Variants in CFAP54 observed in about 807,000 individuals in gnomAD.
CFAP54 encodes cilia and flagella associated protein 54.
A neutral mutation model predicts 370.4 loss-of-function variants in CFAP54; 290 were observed. The observed-to-expected ratio is 0.78, with a 90% CI of 0.71 to 0.86. The LOEUF is 0.86. Ranked by LOEUF, CFAP54 falls within the 40% of genes least tolerant of loss-of-function variation. The pLI is 0.00. For synonymous variants in CFAP54, 1,206 were observed against 1,236.5 expected, an observed-to-expected ratio of 0.98 and a Z score of 0.52; for missense variants, 3,399 against 3,528.7, an observed-to-expected ratio of 0.96 and a Z score of 0.93.
chr12:96,769,257 A>T (rs1276399822), intron 60 of CFAP54, among the ~76,000 whole-genome samples: 1 of 152,244 alleles, frequency 6.6e-6, no homozygotes, highest in Non-Finnish European at 1.5e-5. Context: ...CTGTATTTAA[A>T]TTTTGAATTC....
chr12:96,495,011 C>T (rs1174795977), intron 1 of CFAP54, among the ~76,000 whole-genome samples: 1 of 152,204 alleles, frequency 6.6e-6, no homozygotes, highest in Non-Finnish European at 1.5e-5. Flanking sequence ...AGGCGTGAGC[C>T]ACTGCGCCTA....
chr12:96,657,844 G>T, intron 36 of CFAP54, 38 bp from the exon 37 acceptor site: 2 of 1,340,574 alleles, frequency 1.5e-6, no homozygotes, highest in East Asian at 2.5e-5. Flanking sequence ...AGTAAAATCT[G>T]AAATTACACA....
chr12:96,769,583 A>C (rs1958437060), intron 60 of CFAP54, among the ~76,000 whole-genome samples: 1 of 151,372 alleles, frequency 6.6e-6, no homozygotes, highest in African/African-American at 2.4e-5. Flanking sequence ...CTGCGCAGCC[A>C]GCTCTCCCTT....
intron 64 of CFAP54, among the ~76,000 whole-genome samples, chr12:96,813,518 T>C (rs1302336176): frequency 6.6e-6 from 1 of 152,222 alleles, no homozygotes; most frequent in Non-Finnish European, 1.5e-5. Context: ...CCTCATCTCC[T>C]AGTTAAGTTC....
Position 96,576,422 on chromosome 12 carries a change from A to C in CFAP54, c.2620-163A>C, listed in dbSNP as rs367875687. ...CTAGTAGGCATCTTTTACTTTTGCAAAATCATTAAATAGTTGAAATATATA... is the reference window on the plus strand; with the variant it reads ...CTAGTAGGCATCTTTTACTTTTGCACAATCATTAAATAGTTGAAATATATA... On this transcript the variant is annotated intron_variant, in intron 19 of 67. Coordinates refer to ENST00000524981, the MANE Select transcript of CFAP54 (RefSeq NM_001306084.2). Among the ~76,000 whole-genome samples the C allele has an allele frequency of 4.6e-5, 7 of 151,556 alleles. No individual in the cohort carries two copies. The East Asian group carries it at 7.7e-4, about 17-fold the overall frequency.
intron 25 of CFAP54, among the ~76,000 whole-genome samples, chr12:96,598,020 A>G (rs1171340910): frequency 1.3e-5 from 2 of 151,886 alleles, no homozygotes; most frequent in Admixed American, 1.3e-4. Flanking sequence ...TGTGCCCCCA[A>G]AGAACCAACA....
chr12:96,639,315 A>T (rs1233079414), intron 32 of CFAP54, among the ~76,000 whole-genome samples: 1 of 152,260 alleles, frequency 6.6e-6, no homozygotes, highest in African/African-American at 2.4e-5. Flanking sequence ...ATGCAAATGA[A>T]CTAGAAAATC....
chr12:96,615,456 G>A (rs1043487399), intron 26 of CFAP54, among the ~76,000 whole-genome samples: 2 of 152,050 alleles, frequency 1.3e-5, no homozygotes, highest in Admixed American at 6.6e-5. Flanking sequence ...GCATGGGCAA[G>A]GACTTCATGT....
At chr12:96,557,298 A>G (rs1955763968) in intron 17 of CFAP54, among the ~76,000 whole-genome samples, 1 of 152,184 alleles carries the variant, frequency 6.6e-6, no homozygotes, top group African/African-American at 2.4e-5. Context: ...CCAAAACATC[A>G]ATAATAAGAC....
intron 66 of CFAP54, among the ~76,000 whole-genome samples, chr12:96,840,622 C>CTTTTTTT (rs1491169613): frequency 3.0e-5 from 2 of 67,026 alleles, no homozygotes; most frequent in Non-Finnish European, 3.8e-5. Context: ...TTCTCTGTTT[C>CTTTTTTT]TTTCTTTTTT....
At chr12:96,724,025 G>A (rs1279707831) in intron 50 of CFAP54, among the ~76,000 whole-genome samples, 1 of 151,950 alleles carries the variant, frequency 6.6e-6, no homozygotes, top group East Asian at 1.9e-4. Context: ...GTTTATGGCT[G>A]CATAGTATTC....
Position 96,625,705 on chromosome 12 carries a change from T to A in CFAP54, c.3887-13T>A. 1 of 1,516,938 alleles carries A rather than the reference T, an allele frequency of 6.6e-7. No homozygotes were observed. Among genetic ancestry groups the A allele is most frequent in the Non-Finnish European group, 8.8e-7 (1 of 1,135,086 alleles). The allele number at this position is 1,516,938 out of a possible 1,614,324, so 94.0% of individuals were successfully genotyped here. ...TAAACAGAACATACAACTTTTGAAT[T>A]TTTTAACCTTAGATGTTACATCTGA... On this transcript the variant is annotated splice_polypyrimidine_tract_variant and intron_variant, in intron 28 of 67. Coordinates refer to ENST00000524981, the MANE Select transcript of CFAP54 (RefSeq NM_001306084.2).
At position 96,527,296 on chromosome 12, in the gene CFAP54, T is replaced by C. The variant is rs1592832778; in HGVS notation, c.1209T>C (p.Asp403=). 1.3e-6 allele frequency: 2 copies of C among 1,535,408 alleles called. No homozygotes were observed. The highest frequency in any genetic ancestry group is 1.7e-6 in the Non-Finnish European group (2 of 1,146,504). Reference sequence around the variant, plus strand: ...AGCGGCTACTGGATGAGATGTTTGATAGCACTGCATCCCAGTTTCTGGCTG... The same window carrying C: ...AGCGGCTACTGGATGAGATGTTTGACAGCACTGCATCCCAGTTTCTGGCTG... ...VTERLLDEMF[D]STASQFLAVL... is the part of the protein sequence containing the mutation. Residue 403 remains aspartate, a synonymous_variant, in exon 9 of 68, where the codon GAT becomes GAC. Coordinates refer to ENST00000524981, the MANE Select transcript of CFAP54 (RefSeq NM_001306084.2).
At position 96,534,136 on chromosome 12, in the gene CFAP54, C is replaced by T. The variant is rs140719192; in HGVS notation, c.1614C>T (p.Asn538=). Residue 538 remains asparagine (N), a synonymous_variant, in exon 11 of 68, where the codon AAC becomes AAT. Coordinates refer to ENST00000524981, the MANE Select transcript of CFAP54 (RefSeq NM_001306084.2). ...TLLIAMEPLI[N]VKRNKGLIFP... ...TGATTGCAATGGAACCACTAATCAACGTGAAGAGAAACAAAGGTTTGATCT... is the reference window on the plus strand; with the variant it reads ...TGATTGCAATGGAACCACTAATCAATGTGAAGAGAAACAAAGGTTTGATCT... 133 of 1,531,326 alleles carry T rather than the reference C, an allele frequency of 8.7e-5. 1 individual carries two copies. The highest frequency in any genetic ancestry group is 8.2e-4 in the African/African-American group (60 of 72,934). 94.9% of individuals were successfully genotyped at this position (1,531,326 alleles called of 1,614,324 possible). A position where few individuals can be genotyped will look rare whatever the true frequency, so the allele number is the denominator to read the frequency against.
At chr12:96,668,582 G>C (rs75557486) in intron 39 of CFAP54, among the ~76,000 whole-genome samples, 17,505 of 152,120 alleles carry the variant, frequency 0.12, 1,305 homozygotes, top group Middle Eastern at 0.22. Flanking sequence ...CCTTCCACTG[G>C]GTTCTTCCCA....
chr12:96,560,586 CTTTCCTAGTAG>C (rs919952874), intron 17 of CFAP54, among the ~76,000 whole-genome samples: 2 of 152,124 alleles, frequency 1.3e-5, no homozygotes, highest in Admixed American at 6.6e-5. Context: ...ACAATCTGAT[CTTTCCTAGTAG>C]TTTCCTCATA....
Position 96,534,189 on chromosome 12 carries a change from A to G in CFAP54, c.1667A>G (p.Gln556Arg), listed in dbSNP as rs144593684. ...IFPLENYKEG[Q>R]STQIYLKKIA... ...CCTTTGGAAAACTATAAAGAAGGAC[A>G]GTCAACTCAAATTTATTTAAAAAAA... Residue 556 changes from glutamine to arginine, a missense_variant, in exon 11 of 68, where the codon CAG (glutamine) becomes CGG (arginine). By Grantham distance (43) the Gln-to-Arg change is conservative. This residue lies in a region of CFAP54 where 2,796 missense variants were observed against 2,869.7 expected (regional missense o/e 0.97). Coordinates refer to ENST00000524981, the MANE Select transcript of CFAP54 (RefSeq NM_001306084.2). 1.4e-4 allele frequency: 212 copies of G among 1,489,878 alleles called. 1 individual carries two copies. The East Asian group carries it at 3.7e-3, about 26-fold the overall frequency. The allele number at this position is 1,489,878 out of a possible 1,614,324, so 92.3% of individuals were successfully genotyped here.
chr12:96,538,466 A>G lies in CFAP54; in HGVS notation c.1874A>G (p.Asn625Ser), dbSNP rs1029608298. ...TGCAAATTAGGAATTCAGCGGCTCA[A>G]TATATCCAGAAATGACTATGCAAAA... ...QKCKLGIQRL[N>S]ISRNDYAKFT... The change falls in exon 13 of 68, where the codon AAT (asparagine) becomes AGT (serine). Residue 625 changes from asparagine to serine, a missense_variant. By Grantham distance (46) the Asn-to-Ser change is conservative. Around this residue, in one of 3 missense-constraint regions of CFAP54, gnomAD observed 2,796 missense variants for 2,869.7 expected, o/e 0.97. Transcript: ENST00000524981. 12 of 1,536,186 alleles carry G rather than the reference A, an allele frequency of 7.8e-6. No individual in the cohort carries two copies. The highest frequency in any genetic ancestry group is 9.6e-6 in the Non-Finnish European group (11 of 1,146,864).
chr12:96,693,258 G>T (rs1334790752), intron 44 of CFAP54, among the ~76,000 whole-genome samples: 1 of 152,152 alleles, frequency 6.6e-6, no homozygotes, highest in Non-Finnish European at 1.5e-5. Context: ...TCTAATTGAA[G>T]ACAAAAAGCA....
Sources: gnomAD v4.1 joint callset for allele counts (sites outside exome capture counted in the v4.1 genomes callset) on GRCh38, gnomAD v4.1.1 for gene constraint, gnomAD v4.1.1 regional missense constraint, MANE v1.5 for transcripts, NCBI Gene and HGNC (gene_info 2026-07-23, HGNC 2026-07-21) for gene names.